PALM2AKAP2: variants seen among roughly 807,000 people sequenced by gnomAD.
PALM2AKAP2 encodes the protein PALM2-AKAP2 fusion protein.
PALM2AKAP2 carries 37 observed loss-of-function variants against 71.5 expected under a neutral mutation model. The ratio of observed to expected loss-of-function variants is 0.52; its 90% CI spans 0.40 to 0.68. The LOEUF (loss-of-function observed/expected upper bound fraction) is 0.68, where lower values mean the gene tolerates loss of function less well. Ranked by LOEUF, PALM2AKAP2 falls within the 30% of genes least tolerant of loss-of-function variation. The pLI is 0.00. For synonymous variants in PALM2AKAP2, 468 were observed against 478.8 expected (o/e 0.98, Z 0.29); for missense variants, 1,224 against 1,191.8 (o/e 1.03, Z -0.40).
At chr9:110,074,113 G>A (rs1834267570) in intron 1 of PALM2AKAP2, among the ~76,000 whole-genome samples, 1 of 152,202 alleles carries the variant, frequency 6.6e-6, no homozygotes. Flanking sequence ...AAATGCATGA[G>A]TTAGATCTAA....
intron 1 of PALM2AKAP2, among the ~76,000 whole-genome samples, chr9:109,822,268 TATCCATCCATCC>T (rs10571516): frequency 5.3e-5 from 8 of 150,296 alleles, no homozygotes; most frequent in South Asian, 2.1e-4. Context: ...CCCATCCATC[TATCCATCCATCC>T]ATCCATCCAT....
At chr9:110,028,789 G>A (rs1833227752) in intron 7 of PALM2AKAP2, among the ~76,000 whole-genome samples, 1 of 151,946 alleles carries the variant, frequency 6.6e-6, no homozygotes, top group African/African-American at 2.4e-5. Flanking sequence ...ATTATTTGTT[G>A]TTTACCTAAA....
chr9:109,794,255 T>A (rs1219844855), intron 1 of PALM2AKAP2, among the ~76,000 whole-genome samples: 1 of 152,206 alleles, frequency 6.6e-6, no homozygotes, highest in Non-Finnish European at 1.5e-5. Flanking sequence ...TTGTTGTTGT[T>A]GTTGTTGTTG....
At chr9:109,796,537 T>A (rs1477314048) in intron 1 of PALM2AKAP2, among the ~76,000 whole-genome samples, 2 of 152,332 alleles carry the variant, frequency 1.3e-5, no homozygotes, top group Non-Finnish European at 2.9e-5. Context: ...ATTAGTCCAA[T>A]CTCACACTGC....
chr9:110,162,105 GT>G, intron 3 of PALM2AKAP2: 1 of 1,614,030 alleles, frequency 6.2e-7, no homozygotes, highest in East Asian at 2.2e-5. Context: ...ACACTTCTAA[GT>G]TACTGTCTTG....
chr9:109,811,925 A>T (rs73655510), intron 1 of PALM2AKAP2, among the ~76,000 whole-genome samples: 2,216 of 152,328 alleles, frequency 0.015, 45 homozygotes, highest in African/African-American at 0.051. Flanking sequence ...AACCAAATAT[A>T]AGGCACTGTA....
At chr9:110,142,166 G>T (rs1001745836) in intron 2 of PALM2AKAP2, among the ~76,000 whole-genome samples, 2 of 150,082 alleles carry the variant, frequency 1.3e-5, no homozygotes, top group African/African-American at 2.5e-5. Context: ...CCACCTCCCA[G>T]GTTCAAGTGA....
At chr9:110,072,609 G>A (rs867877005) in intron 1 of PALM2AKAP2, among the ~76,000 whole-genome samples, 2 of 152,198 alleles carry the variant, frequency 1.3e-5, no homozygotes, top group South Asian at 2.1e-4. Context: ...GGAGTTAGGC[G>A]TAGTAATCCT....
intron 1 of PALM2AKAP2, among the ~76,000 whole-genome samples, chr9:109,802,294 C>CT (rs1827453734): frequency 6.6e-6 from 1 of 152,148 alleles, no homozygotes; most frequent in African/African-American, 2.4e-5. Context: ...TCTGTAGTCA[C>CT]ATAGGTTCCC....
At chr9:109,936,744 A>C (rs1039407453) in intron 6 of PALM2AKAP2, among the ~76,000 whole-genome samples, 1 of 152,204 alleles carries the variant, frequency 6.6e-6, no homozygotes, top group Admixed American at 6.5e-5. Flanking sequence ...TCATTGTACA[A>C]ATGAGAAAAT....
At chr9:110,009,146 TTC>T (rs1323648173) in intron 6 of PALM2AKAP2, among the ~76,000 whole-genome samples, 10 of 152,140 alleles carry the variant, frequency 6.6e-5, no homozygotes, top group African/African-American at 2.4e-4. Flanking sequence ...AGACTTGTCT[TTC>T]TCTCTTACTC....
intron 2 of PALM2AKAP2, among the ~76,000 whole-genome samples, chr9:109,877,742 G>A (rs1439119342): frequency 6.6e-6 from 1 of 152,162 alleles, no homozygotes; most frequent in Non-Finnish European, 1.5e-5. Flanking sequence ...TGAGGCGAAG[G>A]AGCCTGTCCA....
intron 6 of PALM2AKAP2, among the ~76,000 whole-genome samples, chr9:110,001,178 A>G (rs552160525): frequency 1.2e-3 from 188 of 152,298 alleles, no homozygotes; most frequent in Non-Finnish European, 2.3e-3. Context: ...TCCATCTTGA[A>G]TAAATTTTTG....
intron 1 of PALM2AKAP2, among the ~76,000 whole-genome samples, chr9:109,683,529 C>T (rs1827767237): frequency 1.3e-5 from 2 of 152,330 alleles, no homozygotes; most frequent in South Asian, 4.1e-4. Flanking sequence ...ACCAAACCTG[C>T]TGACACCCAG....
intron 6 of PALM2AKAP2, among the ~76,000 whole-genome samples, chr9:109,994,281 A>T (rs1053712741): frequency 6.6e-6 from 1 of 152,190 alleles, no homozygotes; most frequent in African/African-American, 2.4e-5. Flanking sequence ...AGACTTTGGG[A>T]TGTATCCACT....
intron 1 of PALM2AKAP2, among the ~76,000 whole-genome samples, chr9:109,786,569 T>G (rs546461387): frequency 1.3e-5 from 2 of 152,342 alleles, no homozygotes; most frequent in Middle Eastern, 3.4e-3. Context: ...AGGGTTCAAC[T>G]TGGCTGAGTC....
At chr9:109,951,172 A>C (rs542446219) in intron 6 of PALM2AKAP2, among the ~76,000 whole-genome samples, 2 of 139,308 alleles carry the variant, frequency 1.4e-5, no homozygotes, top group East Asian at 4.3e-4. Flanking sequence ...TTGTTGGTGA[A>C]ATTTTCAGCT....
intron 6 of PALM2AKAP2, among the ~76,000 whole-genome samples, chr9:109,949,221 G>A (rs3741893): frequency 0.07 from 10,602 of 152,250 alleles, 661 homozygotes; most frequent in East Asian, 0.29. Context: ...CACATGGAGC[G>A]CATGACCTCT....
intron 7 of PALM2AKAP2, among the ~76,000 whole-genome samples, 196 bp downstream of exon 7, chr9:110,016,235 C>T (rs1249105793): frequency 2.0e-5 from 3 of 152,120 alleles, no homozygotes; most frequent in Non-Finnish European, 4.4e-5. Flanking sequence ...GCCGTACCAC[C>T]CTGAATATGC....
Sources: allele counts gnomAD v4.1 joint callset (sites outside exome capture counted in the v4.1 genomes callset), GRCh38; gene constraint gnomAD v4.1.1; transcripts MANE v1.5; gene names NCBI Gene and HGNC (gene_info 2026-07-23, HGNC 2026-07-21).